Variants in KLHL8 observed in about 807,000 individuals in gnomAD.
KLHL8 encodes the protein kelch-like protein 8.
KLHL8 carries 38 observed loss-of-function variants against 63.5 expected under a neutral mutation model. The ratio of observed to expected loss-of-function variants is 0.60; its 90% CI spans 0.46 to 0.78. The LOEUF (loss-of-function observed/expected upper bound fraction) is 0.78. KLHL8 is among the 30% of genes least tolerant of loss of function. KLHL8 has a pLI of 0.00. For synonymous variants in KLHL8, 224 were observed against 254.3 expected, an observed-to-expected ratio of 0.88 and a Z score of 1.13; for missense variants, 566 against 752.4, an observed-to-expected ratio of 0.75 and a Z score of 2.90.
intron 6 of KLHL8, 35 bp from the exon 7 acceptor site, chr4:87,170,650 G>T: frequency 6.4e-7 from 1 of 1,565,210 alleles, no homozygotes; most frequent in Non-Finnish European, 8.6e-7. Flanking sequence ...TAGCAAATGA[G>T]TTTGTTTCCA....
Position 87,162,287 on chromosome 4 carries a change from C to T in KLHL8, c.*1232G>A, listed in dbSNP as rs1469255662. 6.6e-6 allele frequency: 1 copy of T among 152,056 alleles called. No individual in the cohort carries two copies. Among genetic ancestry groups the T allele is most frequent in the African/African-American group, 2.4e-5 (1 of 41,402 alleles). 9.4% of individuals were successfully genotyped at this position (152,056 alleles called of 1,614,324 possible). A position where few individuals can be genotyped will look rare whatever the true frequency, so the allele number is the denominator to read the frequency against. On this transcript the variant is annotated 3_prime_UTR_variant, in exon 10 of 10. Transcript: ENST00000273963. ...AAAAATATACATATAATGAATAGGCCATTTTATAATGCTAGTTAAAACTTT... is the reference window on the plus strand; with the variant it reads ...AAAAATATACATATAATGAATAGGCTATTTTATAATGCTAGTTAAAACTTT...
At chr4:87,192,280 T>A (rs1258240219) in intron 2 of KLHL8, among the ~76,000 whole-genome samples, 1 of 152,194 alleles carries the variant, frequency 6.6e-6, no homozygotes, top group Non-Finnish European at 1.5e-5. Flanking sequence ...CATCTGTTAT[T>A]TTTTGACTTT....
Position 87,195,574 on chromosome 4 carries a change from C to A in KLHL8, c.-35G>T. The A allele has an allele frequency of 6.5e-7, 1 of 1,538,222 alleles. No homozygotes were observed. The highest frequency in any genetic ancestry group is 1.1e-5 in the South Asian group (1 of 87,590). On this transcript the variant is annotated 5_prime_UTR_variant, in exon 2 of 10. The change creates a premature stop within an existing upstream ORF in the 5' untranslated region. Coordinates refer to ENST00000273963, the MANE Select transcript of KLHL8 (RefSeq NM_020803.5). ...TCCTCTTTTAATAGAGCTCTCTTCT[C>A]AAACATGCCATTTATTTTTTTTCAA...
intron 1 of KLHL8, among the ~76,000 whole-genome samples, chr4:87,206,645 T>C (rs536485471): frequency 7.9e-5 from 12 of 152,220 alleles, no homozygotes; most frequent in Non-Finnish European, 1.8e-4. Context: ...GTCCATTCTT[T>C]TTCTACTATA....
At chr4:87,216,867 C>G (rs139761404) in intron 1 of KLHL8, among the ~76,000 whole-genome samples, 163 of 152,264 alleles carry the variant, frequency 1.1e-3, no homozygotes, top group African/African-American at 3.7e-3. Flanking sequence ...TTGATTATAG[C>G]TTAGAGAATG....
At chr4:87,198,611 G>A (rs183170130) in intron 1 of KLHL8, among the ~76,000 whole-genome samples, 2 of 152,284 alleles carry the variant, frequency 1.3e-5, no homozygotes, top group African/African-American at 4.8e-5. Flanking sequence ...CAAAATTATA[G>A]AGGTGGAGAA....
intron 2 of KLHL8, among the ~76,000 whole-genome samples, chr4:87,192,905 AT>A (rs1026698131): frequency 6.6e-6 from 1 of 151,874 alleles, no homozygotes; most frequent in African/African-American, 2.4e-5. Flanking sequence ...AGTATAAGGT[AT>A]TTTTTTTAAA....
intron 1 of KLHL8, among the ~76,000 whole-genome samples, chr4:87,214,216 T>A (rs1732504041): frequency 6.6e-6 from 1 of 151,588 alleles, no homozygotes; most frequent in Non-Finnish European, 1.5e-5. Context: ...GTCATCTTTT[T>A]TTTTTTAATG....
At chr4:87,202,640 A>G (rs1477949044) in intron 1 of KLHL8, among the ~76,000 whole-genome samples, 1 of 152,192 alleles carries the variant, frequency 6.6e-6, no homozygotes, top group African/African-American at 2.4e-5. Context: ...CTCACCCAAA[A>G]GACAACCTGA....
rs1028195354 is a variant in KLHL8 at position 87,162,192 on chromosome 4, G to T, written c.*1327C>A. The T allele has an allele frequency of 1.2e-4, 19 of 152,110 alleles. No individual in the cohort carries two copies. The highest frequency in any genetic ancestry group is 4.1e-4 in the African/African-American group (17 of 41,418). The allele number at this position is 152,110 out of a possible 1,614,324, so 9.4% of individuals were successfully genotyped here. A position where few individuals can be genotyped will look rare whatever the true frequency, so the allele number is the denominator to read the frequency against. On this transcript the variant is annotated 3_prime_UTR_variant, in exon 10 of 10. Coordinates refer to ENST00000273963, the MANE Select transcript of KLHL8 (RefSeq NM_020803.5). ...ACTAACAAAAACTTAGGAAGGCCTG[G>T]AAGAGAGGTGCCAAACTGCACTGCA...
chr4:87,176,803 G>C lies in KLHL8; in HGVS notation c.1162C>G (p.Pro388Ala). Residue 388 changes from proline (P) to alanine (A), a missense_variant, in exon 6 of 10, where the codon CCT becomes GCT. Coordinates refer to ENST00000273963, the MANE Select transcript of KLHL8 (RefSeq NM_020803.5). The part of the protein sequence containing the change: ...EHLGSMEMFD[P>A]LTNKWMMKAS... ...TTCATCATCCATTTATTAGTGAGAG[G>C]ATCAAACATCTCCATACTCCCTAAA... 6.2e-7 allele frequency: 1 copy of C among 1,607,540 alleles called. No individual in the cohort carries two copies. Among genetic ancestry groups the C allele is most frequent in the Non-Finnish European group, 8.5e-7 (1 of 1,176,584 alleles).
intron 2 of KLHL8, among the ~76,000 whole-genome samples, chr4:87,190,636 T>A (rs893437042): frequency 9.2e-6 from 1 of 108,652 alleles, no homozygotes; most frequent in Non-Finnish European, 2.0e-5. Flanking sequence ...AGAGTGAGAC[T>A]CTGTCTTTAA....
intron 1 of KLHL8, among the ~76,000 whole-genome samples, chr4:87,234,588 A>G (rs1640498054): frequency 6.6e-6 from 1 of 152,242 alleles, no homozygotes; most frequent in African/African-American, 2.4e-5. Flanking sequence ...CCAGTGGTAT[A>G]AAAGTATAGC....
intron 2 of KLHL8, among the ~76,000 whole-genome samples, chr4:87,191,415 C>T (rs149036480): frequency 0.011 from 1,730 of 152,192 alleles, 38 homozygotes; most frequent in African/African-American, 0.039. Context: ...TGACCCATGA[C>T]TGCATCACTG....
intron 8 of KLHL8, among the ~76,000 whole-genome samples, chr4:87,165,634 T>C (rs898898864): frequency 1.3e-5 from 2 of 151,926 alleles, no homozygotes; most frequent in Non-Finnish European, 2.9e-5. Flanking sequence ...TGGCCTCAAG[T>C]GATCCTCCTG....
chr4:87,237,173 C>A (rs1025115810), intron 1 of KLHL8, among the ~76,000 whole-genome samples: 2 of 152,106 alleles, frequency 1.3e-5, no homozygotes, highest in Non-Finnish European at 2.9e-5. Flanking sequence ...TTCTCATCCT[C>A]CCAGAACTCC....
At chr4:87,236,538 G>A (rs574267794) in intron 1 of KLHL8, among the ~76,000 whole-genome samples, 57 of 151,902 alleles carry the variant, frequency 3.8e-4, no homozygotes, top group Middle Eastern at 3.4e-3. Context: ...ACACCTTAAG[G>A]GAGGCAACCT....
At chr4:87,237,358 C>T (rs1434724963) in intron 1 of KLHL8, among the ~76,000 whole-genome samples, 1 of 152,088 alleles carries the variant, frequency 6.6e-6, no homozygotes, top group African/African-American at 2.4e-5. Flanking sequence ...GAGATACTTG[C>T]CAATACAATG....
intron 8 of KLHL8, 127 bp from the exon 9 acceptor site, chr4:87,164,206 T>TA: frequency 1.2e-6 from 1 of 824,958 alleles, no homozygotes; most frequent in African/African-American, 1.7e-5. Flanking sequence ...AAAATTTTTT[T>TA]AAAAAATTCA....
Sources: gnomAD v4.1 joint callset for allele counts (sites outside exome capture counted in the v4.1 genomes callset) on GRCh38, gnomAD v4.1.1 for gene constraint, MANE v1.5 for transcripts, NCBI Gene and HGNC (gene_info 2026-07-23, HGNC 2026-07-21) for gene names.